Variants in EPAS1 observed in about 807,000 individuals in gnomAD.
EPAS1 encodes endothelial PAS domain-containing protein 1.
A neutral mutation model predicts 87.9 loss-of-function variants in EPAS1; 23 were observed. The observed-to-expected ratio is 0.26, with a 90% CI of 0.19 to 0.37. The LOEUF (loss-of-function observed/expected upper bound fraction) is 0.37, where lower values mean the gene tolerates loss of function less well. EPAS1 is among the 10% of genes least tolerant of loss of function. EPAS1 has a pLI of 1.00. For synonymous variants in EPAS1, 508 were observed against 444.3 expected (o/e 1.14, Z -1.80); for missense variants, 1,138 against 1,120.7 (o/e 1.02, Z -0.22).
intron 1 of EPAS1, among the ~76,000 whole-genome samples, chr2:46,303,893 T>A (rs866778788): frequency 3.3e-5 from 5 of 152,152 alleles, no homozygotes; most frequent in African/African-American, 7.2e-5. Flanking sequence ...GGAAGGTGTG[T>A]GTATTTAGTA....
chr2:46,375,622 TCTG>T lies in EPAS1; in HGVS notation c.887-64_887-62del. On this transcript the variant is annotated intron_variant, in intron 7 of 15. Coordinates refer to ENST00000263734, the MANE Select transcript of EPAS1 (RefSeq NM_001430.5). This position sits in a 1 kb window ranked among gnomAD's most constrained non-coding sequence, Gnocchi z 4.1. ...CAGATTAGACTGCCCTCCCATGCGA[TCTG>T]CTGAGCCTGTGGTGCACACCCCTGC... 1 of 1,567,944 alleles carries T rather than the reference TCTG, an allele frequency of 6.4e-7. No individual in the cohort carries two copies. The highest frequency in any genetic ancestry group is 8.7e-7 in the Non-Finnish European group (1 of 1,153,128).
chr2:46,384,512 T>G lies in EPAS1; in HGVS notation c.2465T>G (p.Met822Arg), dbSNP rs760246223. The G allele has an allele frequency of 6.2e-7, 1 of 1,614,090 alleles. No individual in the cohort carries two copies. Among genetic ancestry groups the G allele is most frequent in the Non-Finnish European group, 8.5e-7 (1 of 1,180,048 alleles). ...SLSSAHKVSGMASRLLGPSFE... is the reference protein window; with the variant it reads ...SLSSAHKVSGRASRLLGPSFE... ...ATGGTACCAACCCTTCTTTCAGGCA[T>G]GGCAAGCCGGCTGCTCGGGCCCTCA... The change falls in exon 16 of 16, where the codon ATG (methionine) becomes AGG (arginine). Residue 822 changes from methionine (M) to arginine (R), a missense_variant. Around this residue, in one of 4 missense-constraint regions of EPAS1, gnomAD observed 502 missense variants for 427.1 expected, o/e 1.18. Transcript: ENST00000263734.
chr2:46,361,157 G>A, intron 6 of EPAS1, 67 bp downstream of exon 6: 1 of 1,540,588 alleles, frequency 6.5e-7, no homozygotes, highest in South Asian at 1.1e-5. Flanking sequence ...GGGGAGTTGT[G>A]CCTGTATTAA....
At chr2:46,318,265 T>C (rs1683383684) in intron 1 of EPAS1, among the ~76,000 whole-genome samples, 2 of 151,978 alleles carry the variant, frequency 1.3e-5, no homozygotes, top group South Asian at 4.2e-4. Flanking sequence ...TTTATTAAGA[T>C]CACTGTCTTA....
In EPAS1 at chr2:46,376,707, C is replaced by G. The variant is rs1254793733; in HGVS notation, c.1203C>G (p.Ala401=). The change falls in exon 9 of 16, where the codon GCC becomes GCG. Residue 401 remains alanine, a synonymous_variant. Coordinates refer to ENST00000263734, the MANE Select transcript of EPAS1 (RefSeq NM_001430.5). ...TAAAGGAGGAGCCCGAGGAGCTGGC[C>G]CAGCTGGCTCCCACCCCAGGAGACG... The part of the protein sequence containing the change: ...TKLKEEPEEL[A]QLAPTPGDAI... 2 of 1,613,238 alleles carry G rather than the reference C, an allele frequency of 1.2e-6. No homozygotes were observed. The highest frequency in any genetic ancestry group is 2.2e-5 in the South Asian group (2 of 91,018).
At position 46,356,724 on chromosome 2, in the gene EPAS1, G is replaced by A; in HGVS notation, c.370G>A (p.Val124Met). 2 of 1,612,426 alleles carry A rather than the reference G, an allele frequency of 1.2e-6. No individual in the cohort carries two copies. The highest frequency in any genetic ancestry group is 1.7e-5 in the Admixed American group (1 of 60,030). The change falls in exon 4 of 16, where the codon GTG becomes ATG. Residue 124 changes from valine (V) to methionine (M), a missense_variant and splice_region_variant. Physicochemically the swap from Val to Met is conservative, Grantham distance 21. This residue lies in a region of EPAS1 where 351 missense variants were observed against 417.1 expected (regional missense o/e 0.84). Transcript: ENST00000263734. ...ATGCCTAACCTTGTTTTTGAAACAGGTGGAGCTAACAGGACATAGTATCTT... is the reference window on the plus strand; with the variant it reads ...ATGCCTAACCTTGTTTTTGAAACAGATGGAGCTAACAGGACATAGTATCTT... ...NISKFMGLTQ[V>M]ELTGHSIFDF...
chr2:46,311,156 C>T (rs185764160), intron 1 of EPAS1, among the ~76,000 whole-genome samples: 4 of 152,326 alleles, frequency 2.6e-5, no homozygotes, highest in Admixed American at 6.5e-5. Flanking sequence ...AGATTACAGG[C>T]GTGAGCCACT....
At chr2:46,367,496 C>T (rs1037906905) in intron 6 of EPAS1, among the ~76,000 whole-genome samples, 3 of 152,254 alleles carry the variant, frequency 2.0e-5, no homozygotes, top group African/African-American at 4.8e-5. Flanking sequence ...GCCATTTGAT[C>T]GTAGGACCAG....
At chr2:46,362,524 G>C (rs1010997865) in intron 6 of EPAS1, among the ~76,000 whole-genome samples, 3 of 152,192 alleles carry the variant, frequency 2.0e-5, no homozygotes, top group African/African-American at 7.2e-5. Context: ...AATCTGCCTT[G>C]TCTTCCTCAG....
chr2:46,327,510 A>T (rs1406235496), intron 1 of EPAS1, among the ~76,000 whole-genome samples: 1 of 152,238 alleles, frequency 6.6e-6, no homozygotes, highest in Admixed American at 6.5e-5. Flanking sequence ...TACAAATCCC[A>T]TGAATTCTGA....
chr2:46,370,020 G>A (rs759605848), intron 7 of EPAS1, 87 bp downstream of exon 7: 40 of 975,944 alleles, frequency 4.1e-5, no homozygotes, highest in Middle Eastern at 5.7e-4. Flanking sequence ...CAGAAGACCA[G>A]GTCACTTCCT....
intron 1 of EPAS1, among the ~76,000 whole-genome samples, chr2:46,310,008 C>G (rs564851375): frequency 5.6e-4 from 85 of 152,294 alleles, no homozygotes; most frequent in African/African-American, 1.9e-3. Context: ...CAAAGCCTCC[C>G]CTGCTAGCCC....
chr2:46,359,130 G>A (rs747060531), intron 4 of EPAS1, among the ~76,000 whole-genome samples: 10 of 151,608 alleles, frequency 6.6e-5, no homozygotes, highest in East Asian at 1.9e-4. Context: ...GTGGTGGCGC[G>A]TGCCTGTAGT....
intron 2 of EPAS1, among the ~76,000 whole-genome samples, chr2:46,353,547 C>T (rs754085979): frequency 6.6e-6 from 1 of 152,166 alleles, no homozygotes. Context: ...TCAGCCTGGC[C>T]TATAGATGAT....
chr2:46,299,147 C>T (rs1441004620), intron 1 of EPAS1, among the ~76,000 whole-genome samples: 1 of 152,232 alleles, frequency 6.6e-6, no homozygotes, highest in Non-Finnish European at 1.5e-5. Context: ...TGCTCTTGTT[C>T]CAACTTCCAC....
chr2:46,357,484 T>C (rs116770025), intron 4 of EPAS1, among the ~76,000 whole-genome samples: 357 of 152,324 alleles, frequency 2.3e-3, no homozygotes, highest in African/African-American at 8.4e-3. Context: ...CGTGGCAGTT[T>C]AGGGCTCCCA....
chr2:46,341,165 C>T (rs1320486449), intron 1 of EPAS1, among the ~76,000 whole-genome samples: 1 of 152,200 alleles, frequency 6.6e-6, no homozygotes, highest in Non-Finnish European at 1.5e-5. Context: ...ATTTTTGTCA[C>T]TCCTTTGGAA....
chr2:46,375,583 T>C lies in EPAS1; in HGVS notation c.887-107T>C, dbSNP rs7567582. On this transcript the variant is annotated intron_variant, in intron 7 of 15. Transcript: ENST00000263734. This position sits in a 1 kb window ranked among gnomAD's most constrained non-coding sequence, Gnocchi z 4.1. ...TCCTCACTGTCGTGGCGCCCTGTTCTGTCTGTTCCCCTGCAGATTAGACTG... is the reference window on the plus strand; with the variant it reads ...TCCTCACTGTCGTGGCGCCCTGTTCCGTCTGTTCCCCTGCAGATTAGACTG... 0.45 allele frequency: 640,680 copies of C among 1,409,754 alleles called. 154,911 individuals carry two copies. Among genetic ancestry groups the C allele is most frequent in the Non-Finnish European group, 0.5 (515,324 of 1,020,756 alleles). The allele number at this position is 1,409,754 out of a possible 1,614,324, so 87.3% of individuals were successfully genotyped here. A position where few individuals can be genotyped will look rare whatever the true frequency, so the allele number is the denominator to read the frequency against.
chr2:46,362,144 T>A (rs551644357), intron 6 of EPAS1, among the ~76,000 whole-genome samples: 1 of 152,320 alleles, frequency 6.6e-6, no homozygotes, highest in Non-Finnish European at 1.5e-5. Context: ...CCGCCATGTG[T>A]CCCAGGGTGA....
Sources: allele counts gnomAD v4.1 joint callset (sites outside exome capture counted in the v4.1 genomes callset), GRCh38; gene constraint gnomAD v4.1.1; regional missense constraint gnomAD v4.1.1; non-coding constraint Gnocchi (gnomAD v3.1); transcripts MANE v1.5; gene names NCBI Gene and HGNC (gene_info 2026-07-23, HGNC 2026-07-21).